C1QTNF7: variants seen among roughly 807,000 people sequenced by gnomAD.
The protein encoded by C1QTNF7 is C1q and TNF related 7, also known as complement C1q tumor necrosis factor-related protein 7.
A neutral mutation model predicts 19.6 loss-of-function variants in C1QTNF7; 15 were observed. The observed-to-expected ratio is 0.76, with a 90% CI of 0.51 to 1.18. The LOEUF is 1.18. Among genes scored for constraint, C1QTNF7 ranks in the 50% most tolerant of loss-of-function variants. C1QTNF7 has a pLI of 0.00. For missense variants in C1QTNF7, 324 were observed against 359.7 expected (o/e 0.90, Z 0.80); for synonymous variants, 142 against 137.5 (o/e 1.03, Z -0.23).
At chr4:15,421,136 G>A (rs947571388) in intron 1 of C1QTNF7, among the ~76,000 whole-genome samples, 1 of 151,524 alleles carries the variant, frequency 6.6e-6, no homozygotes, top group African/African-American at 2.4e-5. Context: ...CCATTATCCG[G>A]ATAAACGTTT....
At chr4:15,416,718 G>GT (rs1044481204) in intron 1 of C1QTNF7, among the ~76,000 whole-genome samples, 1 of 152,198 alleles carries the variant, frequency 6.6e-6, no homozygotes, top group Non-Finnish European at 1.5e-5. Context: ...CAGACTAATT[G>GT]TAAGAAGCCA....
chr4:15,355,431 G>A (rs193194363), intron 1 of C1QTNF7, among the ~76,000 whole-genome samples: 4 of 152,136 alleles, frequency 2.6e-5, no homozygotes, highest in East Asian at 1.9e-4. Flanking sequence ...ACTAAGCAGC[G>A]GATCAATTTT....
chr4:15,355,900 C>T (rs1717129053), intron 1 of C1QTNF7, among the ~76,000 whole-genome samples: 1 of 152,030 alleles, frequency 6.6e-6, no homozygotes, highest in Non-Finnish European at 1.5e-5. Context: ...CTACGTTGTC[C>T]AAGCTGGAGT....
intron 1 of C1QTNF7, among the ~76,000 whole-genome samples, chr4:15,428,538 T>C (rs1712158194): frequency 6.6e-6 from 1 of 152,066 alleles, no homozygotes; most frequent in Non-Finnish European, 1.5e-5. Context: ...TGCATTTTAG[T>C]GGGGAAACAA....
intron 1 of C1QTNF7, among the ~76,000 whole-genome samples, chr4:15,371,644 T>C (rs1008919102): frequency 6.6e-6 from 1 of 152,138 alleles, no homozygotes; most frequent in Non-Finnish European, 1.5e-5. Context: ...AAAGGGGAAG[T>C]GTAGGACAGT....
intron 1 of C1QTNF7, among the ~76,000 whole-genome samples, chr4:15,365,665 G>A (rs931632734): frequency 6.6e-6 from 1 of 152,176 alleles, no homozygotes; most frequent in South Asian, 2.1e-4. Context: ...AGGATCCAGG[G>A]GCTCAAAAGA....
At chr4:15,357,766 G>A (rs1338478810) in intron 1 of C1QTNF7, among the ~76,000 whole-genome samples, 1 of 152,126 alleles carries the variant, frequency 6.6e-6, no homozygotes, top group African/African-American at 2.4e-5. Flanking sequence ...TCCTTGAGCA[G>A]TGGTTTATAG....
At chr4:15,441,184 G>A (rs1227314645) in intron 2 of C1QTNF7, among the ~76,000 whole-genome samples, 1 of 152,082 alleles carries the variant, frequency 6.6e-6, no homozygotes, top group African/African-American at 2.4e-5. Context: ...CAAATGCTCT[G>A]GCTCCAGAGT....
intron 1 of C1QTNF7, among the ~76,000 whole-genome samples, chr4:15,352,695 T>G (rs151274809): frequency 6.6e-6 from 1 of 151,954 alleles, no homozygotes; most frequent in East Asian, 1.9e-4. Context: ...AATCAGAGAG[T>G]GCAGCATCTT....
chr4:15,374,880 T>TTA, intron 1 of C1QTNF7: 2 of 562,976 alleles, frequency 3.6e-6, no homozygotes, highest in Non-Finnish European at 4.5e-6. Flanking sequence ...TCTTTTTTTT[T>TTA]ATGATGTTCA....
At chr4:15,375,215 T>C (rs901197936) in intron 1 of C1QTNF7, among the ~76,000 whole-genome samples, 22 of 152,134 alleles carry the variant, frequency 1.4e-4, no homozygotes, top group African/African-American at 4.8e-4. Flanking sequence ...AGGATTTTAG[T>C]AGAGGAAAAA....
At chr4:15,411,650 T>C (rs1054161178) in intron 1 of C1QTNF7, among the ~76,000 whole-genome samples, 2 of 152,180 alleles carry the variant, frequency 1.3e-5, no homozygotes, top group African/African-American at 4.8e-5. Flanking sequence ...GACACCCCTA[T>C]TCTTTTTGTT....
intron 1 of C1QTNF7, among the ~76,000 whole-genome samples, chr4:15,422,005 T>A (rs1290595022): frequency 6.6e-6 from 1 of 152,010 alleles, no homozygotes; most frequent in Non-Finnish European, 1.5e-5. Context: ...AGATATATGA[T>A]CAGAGGTTGC....
intron 1 of C1QTNF7, among the ~76,000 whole-genome samples, chr4:15,394,502 A>G (rs1718707817): frequency 6.6e-6 from 1 of 152,226 alleles, no homozygotes; most frequent in African/African-American, 2.4e-5. Flanking sequence ...TCATCCTCAT[A>G]TGTGTACATG....
chr4:15,344,783 C>T (rs1183855208), intron 1 of C1QTNF7, among the ~76,000 whole-genome samples: 1 of 152,208 alleles, frequency 6.6e-6, no homozygotes, highest in Non-Finnish European at 1.5e-5. Flanking sequence ...TATTGGCACA[C>T]AATGATTAGG....
intron 1 of C1QTNF7, chr4:15,374,493 G>A (rs1001964701): frequency 1.1e-6 from 1 of 874,924 alleles, no homozygotes; most frequent in Non-Finnish European, 1.4e-6. Context: ...TTGTAATGTC[G>A]ACGTCTTCTT....
At chr4:15,377,550 C>T (rs1488555349) in intron 1 of C1QTNF7, among the ~76,000 whole-genome samples, 1 of 152,090 alleles carries the variant, frequency 6.6e-6, no homozygotes, top group Non-Finnish European at 1.5e-5. Context: ...AGAGTATTTG[C>T]TGTGTTGAAT....
chr4:15,424,356 C>T (rs1432056897), upstream of C1QTNF7, among the ~76,000 whole-genome samples: 2 of 152,164 alleles, frequency 1.3e-5, no homozygotes, highest in African/African-American at 4.8e-5. Flanking sequence ...AAAAAAGTGA[C>T]TGAATTATTC....
intron 1 of C1QTNF7, among the ~76,000 whole-genome samples, chr4:15,377,217 T>C (rs1467509507): frequency 1.3e-5 from 2 of 152,222 alleles, no homozygotes; most frequent in African/African-American, 4.8e-5. Context: ...AAAGTCCTGA[T>C]AGAGATGAGA....
Sources: gnomAD v4.1 joint callset for allele counts (sites outside exome capture counted in the v4.1 genomes callset) on GRCh38, gnomAD v4.1.1 for gene constraint, MANE v1.5 for transcripts, NCBI Gene and HGNC (gene_info 2026-07-23, HGNC 2026-07-21) for gene names.